The following MCTP1 variants were observed in gnomAD, a reference collection of about 807,000 sequenced individuals.
The protein encoded by MCTP1 is multiple C2 and transmembrane domain-containing protein 1.
MCTP1 carries 69 observed loss-of-function variants against 120.6 expected under a neutral mutation model. The observed-to-expected ratio is 0.57, with a 90% confidence interval of 0.47 to 0.70. MCTP1 has a LOEUF of 0.70. Ranked by LOEUF, MCTP1 falls within the 30% of genes least tolerant of loss-of-function variation. The pLI, the probability that MCTP1 is intolerant of heterozygous loss-of-function variation, is 0.00. For synonymous variants in MCTP1, 529 were observed against 493.1 expected (o/e 1.07, Z -0.96); for missense variants, 1,203 against 1,248.8 (o/e 0.96, Z 0.55).
At chr5:94,908,438 T>C (rs1807525336) in intron 10 of MCTP1, among the ~76,000 whole-genome samples, 1 of 152,068 alleles carries the variant, frequency 6.6e-6, no homozygotes, top group African/African-American at 2.4e-5. Flanking sequence ...GTATAATTTA[T>C]TTTACTCTTA....
At chr5:94,899,961 C>CATT (rs1414340672) in intron 10 of MCTP1, among the ~76,000 whole-genome samples, 3 of 152,178 alleles carry the variant, frequency 2.0e-5, no homozygotes, top group African/African-American at 7.2e-5. Context: ...AGGCAAAAAC[C>CATT]ATTGCTACAG....
chr5:94,756,261 G>A (rs1466642169), intron 19 of MCTP1, among the ~76,000 whole-genome samples: 1 of 152,190 alleles, frequency 6.6e-6, no homozygotes, highest in Non-Finnish European at 1.5e-5. Flanking sequence ...TAGCAGCCTG[G>A]TTCCAGAATC....
At chr5:95,120,325 T>C (rs1758132531) in intron 1 of MCTP1, among the ~76,000 whole-genome samples, 2 of 151,888 alleles carry the variant, frequency 1.3e-5, no homozygotes, top group Non-Finnish European at 2.9e-5. Context: ...ACTTCCAAAG[T>C]CATTATGCAA....
At chr5:95,156,850 A>G (rs1225113124) in intron 1 of MCTP1, among the ~76,000 whole-genome samples, 1 of 152,252 alleles carries the variant, frequency 6.6e-6, no homozygotes, top group Non-Finnish European at 1.5e-5. Flanking sequence ...TAAATATTTC[A>G]GCAAACAGAC....
rs200039536 is a variant in MCTP1 at position 94,975,235 on chromosome 5, G to A, written c.839-21874C>T. Among the ~76,000 whole-genome samples the A allele has an allele frequency of 2.6e-5, 4 of 151,926 alleles. No homozygotes were observed. The East Asian group carries it at 5.8e-4, about 22-fold the overall frequency. ...TTATGGACTGAATGTTTATACCCCC[G>A]CAACTCCCTGCCAAATTCGTAGGCT... On this transcript the variant is annotated intron_variant, in intron 2 of 22. Coordinates refer to ENST00000515393, the MANE Select transcript of MCTP1 (RefSeq NM_024717.7).
chr5:94,880,756 A>T (rs1360923718), intron 12 of MCTP1, among the ~76,000 whole-genome samples: 1 of 152,168 alleles, frequency 6.6e-6, no homozygotes, highest in Non-Finnish European at 1.5e-5. Flanking sequence ...TTACTTCTAC[A>T]AGAATCTTTG....
At chr5:95,098,053 C>T (rs749399972) in intron 1 of MCTP1, among the ~76,000 whole-genome samples, 12 of 152,120 alleles carry the variant, frequency 7.9e-5, no homozygotes, top group Non-Finnish European at 1.5e-4. Context: ...GATTTCTGAT[C>T]TTTCAACGTG....
At chr5:95,244,181 G>A (rs573310844) in intron 1 of MCTP1, among the ~76,000 whole-genome samples, 1 of 152,190 alleles carries the variant, frequency 6.6e-6, no homozygotes, top group South Asian at 2.1e-4. Flanking sequence ...ACAGCTCAAA[G>A]GTCCATTAAC....
intron 1 of MCTP1, among the ~76,000 whole-genome samples, chr5:95,129,485 G>T (rs898357383): frequency 2.6e-5 from 4 of 152,188 alleles, no homozygotes; most frequent in Non-Finnish European, 2.9e-5. Flanking sequence ...GTGTCAACTT[G>T]ACAGGGCTAA....
At chr5:95,248,554 T>C (rs896778297) in intron 1 of MCTP1, among the ~76,000 whole-genome samples, 1 of 152,186 alleles carries the variant, frequency 6.6e-6, no homozygotes, top group Non-Finnish European at 1.5e-5. Context: ...TCCATGCTCA[T>C]GGATAGGAAG....
chr5:94,882,934 C>T (rs545564801), intron 12 of MCTP1, among the ~76,000 whole-genome samples: 1 of 152,248 alleles, frequency 6.6e-6, no homozygotes, highest in East Asian at 1.9e-4. Context: ...CTCATCAGCC[C>T]TTGTGCTAAA....
chr5:95,150,510 A>G (rs1323515987), intron 1 of MCTP1, among the ~76,000 whole-genome samples: 17 of 152,230 alleles, frequency 1.1e-4, no homozygotes, highest in Non-Finnish European at 2.9e-5. Context: ...AGGTTTTCTC[A>G]TTAGCAGTTT....
intron 19 of MCTP1, among the ~76,000 whole-genome samples, chr5:94,737,255 G>A (rs2152732296): frequency 6.6e-6 from 1 of 152,312 alleles, no homozygotes; most frequent in East Asian, 1.9e-4. Flanking sequence ...GGGAAACAGT[G>A]CAAGTAATAT....
chr5:94,721,382 T>C (rs912001325), intron 19 of MCTP1, among the ~76,000 whole-genome samples: 1 of 152,224 alleles, frequency 6.6e-6, no homozygotes, highest in African/African-American at 2.4e-5. Context: ...AGTGCTGATG[T>C]ATGATTATTG....
chr5:94,828,389 A>C (rs1241199303), intron 17 of MCTP1, among the ~76,000 whole-genome samples: 2 of 152,138 alleles, frequency 1.3e-5, no homozygotes, highest in Non-Finnish European at 1.5e-5. Flanking sequence ...GCGTCTGTCG[A>C]CCTGTGATGG....
rs1424904288 is a variant in MCTP1, at chr5:94,773,947, G to A, written c.2610+5163C>T. On this transcript the variant is annotated intron_variant, in intron 19 of 22. Transcript: ENST00000515393. ...AAATAGGCCGGGCGCGGTGGCTCAC[G>A]CCTGTAATCCCAGCACTTTGGGAGG... 3.6e-5 allele frequency among the ~76,000 whole-genome samples: 4 copies of A among 110,846 alleles called. 1 individual carries two copies. The highest frequency in any genetic ancestry group is 1.1e-4 in the African/African-American group (3 of 26,578). The allele number at this position is 110,846 out of a possible 152,430, so 72.7% of individuals were successfully genotyped here.
chr5:94,860,283 A>G (rs1458357656), intron 17 of MCTP1, among the ~76,000 whole-genome samples: 1 of 151,732 alleles, frequency 6.6e-6, no homozygotes, highest in African/African-American at 2.4e-5. Context: ...AAAAATATAA[A>G]GAGTAACTAT....
At chr5:95,169,393 G>A (rs1746905799) in intron 1 of MCTP1, among the ~76,000 whole-genome samples, 1 of 152,170 alleles carries the variant, frequency 6.6e-6, no homozygotes, top group Non-Finnish European at 1.5e-5. Flanking sequence ...TTTGGTATCA[G>A]GATGATGTTG....
At chr5:95,034,446 A>C (rs1469452220) in intron 1 of MCTP1, among the ~76,000 whole-genome samples, 1 of 151,816 alleles carries the variant, frequency 6.6e-6, no homozygotes, top group African/African-American at 2.4e-5. Context: ...TGATCTTCAA[A>C]AAATTCAACA....
Sources: gnomAD v4.1 joint callset for allele counts (sites outside exome capture counted in the v4.1 genomes callset) on GRCh38, gnomAD v4.1.1 for gene constraint, MANE v1.5 for transcripts, NCBI Gene and HGNC (gene_info 2026-07-23, HGNC 2026-07-21) for gene names.